Variants in TENM3 observed in about 807,000 individuals in gnomAD.
The protein encoded by TENM3 is teneurin transmembrane protein 3.
In TENM3, 63 loss-of-function variants were observed where a neutral mutation model predicts 255.1. That is an observed-to-expected ratio of 0.25 (90% CI 0.20 to 0.30). The LOEUF (loss-of-function observed/expected upper bound fraction) is 0.30. TENM3 is among the 10% of genes least tolerant of loss of function. The probability of loss-of-function intolerance (pLI) is 1.00; values close to 1 mark genes in which losing one functional copy is unlikely to be tolerated. For synonymous variants in TENM3, 1,306 were observed against 1,322.3 expected, an observed-to-expected ratio of 0.99 and a Z score of 0.27; for missense variants, 2,929 against 3,461.1, an observed-to-expected ratio of 0.85 and a Z score of 3.86.
chr4:181,822,638 T>G, the TENM3 span, among the ~76,000 whole-genome samples: 1 of 152,248 alleles, frequency 6.6e-6, no homozygotes, highest in Middle Eastern at 3.2e-3. Context: ...TGCTGTAAGT[T>G]AGGAGATTCA....
the TENM3 span, among the ~76,000 whole-genome samples, chr4:181,949,250 G>C: frequency 6.6e-6 from 1 of 152,066 alleles, no homozygotes; most frequent in Non-Finnish European, 1.5e-5. Context: ...ATACAAACTG[G>C]ATTTATTTCT....
At chr4:181,935,918 A>C in the TENM3 span, among the ~76,000 whole-genome samples, 2 of 152,200 alleles carry the variant, frequency 1.3e-5, no homozygotes, top group African/African-American at 4.8e-5. Context: ...CATTTGTTTT[A>C]TATCATTCAT....
At chr4:182,308,551 G>A (rs1489466050) in intron 1 of TENM3, among the ~76,000 whole-genome samples, 4 of 151,958 alleles carry the variant, frequency 2.6e-5, no homozygotes, top group Admixed American at 1.3e-4. Flanking sequence ...TATTGCCCAC[G>A]CTGGTCTTGA....
At chr4:181,524,100 A>G in the TENM3 span, among the ~76,000 whole-genome samples, 2 of 152,220 alleles carry the variant, frequency 1.3e-5, no homozygotes, top group Admixed American at 1.3e-4. Context: ...CATGGAAATC[A>G]TGCAAATTTT....
chr4:182,642,763 G>C (rs933776080), intron 5 of TENM3, among the ~76,000 whole-genome samples: 5 of 152,084 alleles, frequency 3.3e-5, no homozygotes, highest in African/African-American at 4.8e-5. Flanking sequence ...TAGTTCTTTT[G>C]AATATAAATA....
the TENM3 span, among the ~76,000 whole-genome samples, chr4:182,043,120 G>C: frequency 1.3e-5 from 2 of 152,076 alleles, no homozygotes; most frequent in African/African-American, 4.8e-5. Flanking sequence ...CTCAGAGAAA[G>C]GGGATAAGAG....
chr4:182,776,486 G>A (rs897927596), intron 24 of TENM3, among the ~76,000 whole-genome samples: 1 of 152,172 alleles, frequency 6.6e-6, no homozygotes, highest in African/African-American at 2.4e-5. Context: ...TCACACACCA[G>A]ATGGATAGGA....
At chr4:182,163,288 C>T (rs1300189731) in intron 1 of TENM3, among the ~76,000 whole-genome samples, 1 of 152,104 alleles carries the variant, frequency 6.6e-6, no homozygotes, top group Non-Finnish European at 1.5e-5. Context: ...GAGAGTTTGC[C>T]TCCTAAAATC....
At chr4:181,821,393 G>A in the TENM3 span, among the ~76,000 whole-genome samples, 13 of 152,042 alleles carry the variant, frequency 8.6e-5, no homozygotes, top group East Asian at 7.7e-4. Context: ...TATATCCTGC[G>A]ATATAATCCT....
intron 3 of TENM3, among the ~76,000 whole-genome samples, chr4:182,422,394 T>A (rs1007910814): frequency 2.0e-5 from 3 of 152,208 alleles, no homozygotes; most frequent in African/African-American, 7.2e-5. Flanking sequence ...ACATTGACAT[T>A]CCTTCTTCTG....
At chr4:181,901,138 A>G in the TENM3 span, among the ~76,000 whole-genome samples, 1 of 152,174 alleles carries the variant, frequency 6.6e-6, no homozygotes, top group African/African-American at 2.4e-5. Flanking sequence ...TAACTAAGAA[A>G]CTTCTAATGG....
the TENM3 span, among the ~76,000 whole-genome samples, chr4:181,457,046 A>G: frequency 6.6e-6 from 1 of 151,856 alleles, no homozygotes. Flanking sequence ...GAAGTCTCTA[A>G]AAGTATTGGA....
At chr4:181,587,412 G>A in the TENM3 span, among the ~76,000 whole-genome samples, 1 of 152,084 alleles carries the variant, frequency 6.6e-6, no homozygotes, top group Non-Finnish European at 1.5e-5. Flanking sequence ...TTTCTCTTTG[G>A]TGCCAAGTCC....
At chr4:182,118,635 C>T in the TENM3 span, among the ~76,000 whole-genome samples, 1 of 151,808 alleles carries the variant, frequency 6.6e-6, no homozygotes, top group Non-Finnish European at 1.5e-5. Flanking sequence ...ACATATCTCA[C>T]TGTTCCTAGT....
At chr4:181,910,825 T>C in the TENM3 span, among the ~76,000 whole-genome samples, 1 of 152,042 alleles carries the variant, frequency 6.6e-6, no homozygotes, top group African/African-American at 2.4e-5. Flanking sequence ...CCTTATAAGC[T>C]ATGCAAAACC....
the TENM3 span, among the ~76,000 whole-genome samples, chr4:181,543,353 G>T: frequency 1.3e-5 from 2 of 152,232 alleles, no homozygotes; most frequent in South Asian, 4.1e-4. Context: ...GGGAAGAGGA[G>T]GAGGAGGAGT....
At chr4:181,491,627 T>C in the TENM3 span, among the ~76,000 whole-genome samples, 1 of 151,962 alleles carries the variant, frequency 6.6e-6, no homozygotes, top group South Asian at 2.1e-4. Context: ...AAGATATAGA[T>C]ACAGAAATAG....
chr4:181,664,490 A>C, the TENM3 span, among the ~76,000 whole-genome samples: 7 of 138,592 alleles, frequency 5.1e-5, no homozygotes, highest in South Asian at 2.1e-4. Context: ...AAAAAACAAA[A>C]CAAAAAAATA....
chr4:182,500,404 C>T (rs933225185), intron 3 of TENM3, among the ~76,000 whole-genome samples: 1 of 151,998 alleles, frequency 6.6e-6, no homozygotes, highest in African/African-American at 2.4e-5. Context: ...GAAAAATGGT[C>T]AGCATTATTA....
Sources: allele counts gnomAD v4.1 joint callset (sites outside exome capture counted in the v4.1 genomes callset), GRCh38; gene constraint gnomAD v4.1.1; transcripts MANE v1.5; gene names NCBI Gene and HGNC (gene_info 2026-07-23, HGNC 2026-07-21).